Variants in RGS8 observed in about 807,000 individuals in gnomAD.
RGS8 encodes the protein regulator of G-protein signaling 8.
In RGS8, 8 loss-of-function variants were observed where a neutral mutation model predicts 21.7. The ratio of observed to expected loss-of-function variants is 0.37; its 90% CI spans 0.22 to 0.66. The LOEUF is 0.66. Ranked by LOEUF, RGS8 falls within the 30% of genes least tolerant of loss-of-function variation. The pLI, the probability that RGS8 is intolerant of heterozygous loss-of-function variation, is 0.59. For missense variants in RGS8, 157 were observed against 217.9 expected (o/e 0.72, Z 1.76); for synonymous variants, 80 against 83.6 (o/e 0.96, Z 0.24).
Position 182,668,846 on chromosome 1 carries a change from C to T in RGS8, c.26+778G>A, listed in dbSNP as rs183937496. Among the ~76,000 whole-genome samples, 198 of 152,308 alleles carry T rather than the reference C, an allele frequency of 1.3e-3. 1 individual carries two copies. The highest frequency in any genetic ancestry group is 4.4e-3 in the African/African-American group (185 of 41,576). On this transcript the variant is annotated intron_variant, in intron 3 of 6. Transcript: ENST00000483095. ...TTGCGAGCAGCTGATTGAGGGCCCT[C>T]GAGTCATCACATTCCATGAATTCAA...
exon 7 of RGS8, chr1:182,646,656 T>A: frequency 7.4e-7 from 1 of 1,355,712 alleles, no homozygotes; most frequent in East Asian, 2.3e-5. Context: ...TGAACACCTA[T>A]GACATTTCAC....
At chr1:182,748,943 A>T in the RGS8 span, among the ~76,000 whole-genome samples, 8 of 151,830 alleles carry the variant, frequency 5.3e-5, no homozygotes, top group Non-Finnish European at 1.0e-4. Flanking sequence ...TATTTTTTTT[A>T]TCAGGTTATT....
At position 182,659,561 on chromosome 1, in the gene RGS8, T is replaced by C. The variant is rs1206739574; in HGVS notation, c.193+6408A>G. On this transcript the variant is annotated intron_variant, in intron 5 of 6. Coordinates refer to ENST00000483095, the Ensembl canonical transcript of RGS8. ...TAAAAATGCAAAAATTAGCTGGGCA[T>C]GGTGGCAGGCGCTTCTAATCCCAGC... Among the ~76,000 whole-genome samples the C allele has an allele frequency of 2.6e-5, 4 of 152,146 alleles. No homozygotes were observed. In the East Asian group the frequency reaches 5.8e-4, roughly 22 times the overall value.
At chr1:182,733,644 A>T in the RGS8 span, 1 of 152,264 alleles carries the variant, frequency 6.6e-6, no homozygotes, top group Non-Finnish European at 1.5e-5. Flanking sequence ...GAGGAAGCAA[A>T]GCAGATAGAG....
the RGS8 span, among the ~76,000 whole-genome samples, chr1:182,699,084 G>A: frequency 3.9e-5 from 6 of 152,186 alleles, no homozygotes; most frequent in Non-Finnish European, 7.3e-5. Context: ...AGGTGGCTGC[G>A]TAGAGGGAGT....
chr1:182,692,385 A>G, the RGS8 span, among the ~76,000 whole-genome samples: 12 of 152,168 alleles, frequency 7.9e-5, no homozygotes, highest in Non-Finnish European at 1.8e-4. Flanking sequence ...AGCCACAAAA[A>G]GAATAAAATA....
At chr1:182,656,224 C>T (rs1663269651) in intron 5 of RGS8, among the ~76,000 whole-genome samples, 1 of 152,194 alleles carries the variant, frequency 6.6e-6, no homozygotes, top group Non-Finnish European at 1.5e-5. Context: ...TGCGTGACTT[C>T]GGAGCCACCC....
the RGS8 span, among the ~76,000 whole-genome samples, chr1:182,721,612 C>T: frequency 2.0e-5 from 3 of 152,122 alleles, no homozygotes; most frequent in Admixed American, 2.0e-4. Flanking sequence ...GGGATATTGA[C>T]TTTGAGCTTT....
chr1:182,690,064 C>T, the RGS8 span, among the ~76,000 whole-genome samples: 1 of 152,196 alleles, frequency 6.6e-6, no homozygotes, highest in South Asian at 2.1e-4. Flanking sequence ...AGCTCAGCCA[C>T]TTACCAGTTC....
the RGS8 span, among the ~76,000 whole-genome samples, chr1:182,721,610 G>A: frequency 6.6e-6 from 1 of 152,146 alleles, no homozygotes. Flanking sequence ...CAGGGATATT[G>A]ACTTTGAGCT....
intron 3 of RGS8, among the ~76,000 whole-genome samples, chr1:182,669,024 G>T (rs1276064979): frequency 6.6e-6 from 1 of 152,172 alleles, no homozygotes; most frequent in Admixed American, 6.5e-5. Flanking sequence ...ACAAATCCAC[G>T]CAAGCCATTT....
chr1:182,692,575 T>C, the RGS8 span, among the ~76,000 whole-genome samples: 2 of 147,874 alleles, frequency 1.4e-5, no homozygotes, highest in Non-Finnish European at 3.0e-5. Flanking sequence ...TTCAGTGCTA[T>C]ACCTATCAAA....
chr1:182,674,547 C>T (rs1415895815), upstream of RGS8, among the ~76,000 whole-genome samples: 2 of 152,118 alleles, frequency 1.3e-5, no homozygotes, highest in Non-Finnish European at 2.9e-5. Flanking sequence ...AGACGTAGTG[C>T]AGGCCCCGCT....
At chr1:182,681,577 A>T (rs1257882296) in intron 1 of RGS8, among the ~76,000 whole-genome samples, 3 of 152,230 alleles carry the variant, frequency 2.0e-5, no homozygotes, top group Non-Finnish European at 4.4e-5. Context: ...CCACAGCAAC[A>T]GCAGCAGGGA....
intron 5 of RGS8, among the ~76,000 whole-genome samples, chr1:182,662,765 C>G (rs773919383): frequency 1.3e-5 from 2 of 152,166 alleles, no homozygotes; most frequent in Admixed American, 6.5e-5. Context: ...CATGCCTGTT[C>G]GCTCAGAGGC....
the RGS8 span, among the ~76,000 whole-genome samples, chr1:182,699,054 A>G: frequency 6.6e-6 from 1 of 152,162 alleles, no homozygotes; most frequent in African/African-American, 2.4e-5. Flanking sequence ...TATGATTCTG[A>G]AAAGGTTAAG....
the RGS8 span, among the ~76,000 whole-genome samples, chr1:182,751,474 A>G: frequency 1.3e-5 from 2 of 152,200 alleles, no homozygotes; most frequent in African/African-American, 4.8e-5. Flanking sequence ...CTACGTACAA[A>G]TCAGATGAAA....
chr1:182,746,596 G>C, the RGS8 span, among the ~76,000 whole-genome samples: 1 of 152,068 alleles, frequency 6.6e-6, no homozygotes, highest in Non-Finnish European at 1.5e-5. Context: ...AGGTTGCAGT[G>C]AGTGGAGATC....
the RGS8 span, among the ~76,000 whole-genome samples, chr1:182,693,648 C>A: frequency 3.3e-5 from 5 of 152,202 alleles, no homozygotes; most frequent in Non-Finnish European, 5.9e-5. Context: ...AGAAATCATT[C>A]TGCCATAAAG....
Sources: gnomAD v4.1 joint callset for allele counts (sites outside exome capture counted in the v4.1 genomes callset) on GRCh38, gnomAD v4.1.1 for gene constraint, MANE v1.5 for transcripts, NCBI Gene and HGNC (gene_info 2026-07-23, HGNC 2026-07-21) for gene names.